The following C1QTNF3 variants were observed in gnomAD, a reference collection of about 807,000 sequenced individuals.
C1QTNF3 encodes the protein C1q and TNF related 3, also known as complement C1q tumor necrosis factor-related protein 3.
Under a neutral mutation model 32.6 loss-of-function variants are expected in C1QTNF3, and 26 were observed. That is an observed-to-expected ratio of 0.80 (90% CI 0.58 to 1.11). The LOEUF (loss-of-function observed/expected upper bound fraction) is 1.11. Ranked by LOEUF, C1QTNF3 falls within the 50% of genes least tolerant of loss-of-function variation. The pLI is 0.00. For missense variants in C1QTNF3, 362 were observed against 398.2 expected (o/e 0.91, Z 0.77); for synonymous variants, 155 against 146.0 (o/e 1.06, Z -0.44).
chr5:34,177,480 C>CTTT, the C1QTNF3 span, among the ~76,000 whole-genome samples: 1,383 of 84,410 alleles, frequency 0.016, 3 homozygotes, highest in Non-Finnish European at 0.02. Context: ...CCATACCCAA[C>CTTT]TTTTTTTTTT....
At chr5:34,163,590 T>C in the C1QTNF3 span, among the ~76,000 whole-genome samples, 2 of 152,060 alleles carry the variant, frequency 1.3e-5, no homozygotes, top group Admixed American at 6.6e-5. Context: ...AGAAGCAACA[T>C]ATATGTTGTT....
intron 1 of C1QTNF3, among the ~76,000 whole-genome samples, chr5:34,038,684 G>A (rs1754798995): frequency 6.6e-6 from 1 of 152,210 alleles, no homozygotes; most frequent in South Asian, 2.1e-4. Flanking sequence ...GAGACTGGGA[G>A]TCATCACAAG....
At chr5:34,029,309 T>C (rs1754554085) in intron 3 of C1QTNF3, among the ~76,000 whole-genome samples, 1 of 152,106 alleles carries the variant, frequency 6.6e-6, no homozygotes, top group South Asian at 2.1e-4. Context: ...ATTTCTTTTT[T>C]TTTTTTTCTT....
At chr5:34,197,454 T>G in the C1QTNF3 span, among the ~76,000 whole-genome samples, 2 of 152,262 alleles carry the variant, frequency 1.3e-5, no homozygotes, top group African/African-American at 4.8e-5. Context: ...GTGGAGTTTT[T>G]ACGGTCAATC....
At chr5:34,136,640 C>T in the C1QTNF3 span, among the ~76,000 whole-genome samples, 2 of 152,190 alleles carry the variant, frequency 1.3e-5, no homozygotes, top group Admixed American at 6.5e-5. Context: ...TCAGCAATCA[C>T]ATTACTGGGT....
chr5:34,216,997 AATT>A, the C1QTNF3 span, among the ~76,000 whole-genome samples: 1 of 152,116 alleles, frequency 6.6e-6, no homozygotes, highest in East Asian at 1.9e-4. Context: ...TTAACAGAAA[AATT>A]ATTGTTTTTA....
the C1QTNF3 span, among the ~76,000 whole-genome samples, chr5:34,181,737 C>T: frequency 2.0e-5 from 3 of 152,320 alleles, no homozygotes; most frequent in East Asian, 1.9e-4. Context: ...CAGGTGTGAG[C>T]GCCCCGACAG....
chr5:34,117,297 G>T, the C1QTNF3 span, among the ~76,000 whole-genome samples: 1 of 151,978 alleles, frequency 6.6e-6, no homozygotes, highest in African/African-American at 2.4e-5. Context: ...TGGTTTCAGG[G>T]TGTTAAATAT....
chr5:34,163,474 ATGAT>A, the C1QTNF3 span, among the ~76,000 whole-genome samples: 212 of 110,194 alleles, frequency 1.9e-3, no homozygotes, highest in Non-Finnish European at 2.6e-3. Flanking sequence ...GTATTTTATT[ATGAT>A]TGATTATTTT....
At chr5:34,068,910 G>C in the C1QTNF3 span, among the ~76,000 whole-genome samples, 1 of 152,160 alleles carries the variant, frequency 6.6e-6, no homozygotes, top group Non-Finnish European at 1.5e-5. Flanking sequence ...TCCATGCACA[G>C]TATCCCTTGC....
At chr5:34,208,069 C>T in the C1QTNF3 span, among the ~76,000 whole-genome samples, 1 of 152,146 alleles carries the variant, frequency 6.6e-6, no homozygotes, top group Non-Finnish European at 1.5e-5. Context: ...GGATTACAGG[C>T]GTGAGCCACC....
chr5:34,023,981 A>G lies in C1QTNF3; in HGVS notation c.728T>C (p.Met243Thr), dbSNP rs1353851139. ...SGVYFFTFSM[M>T]KHEDVEEVYV... ...CACTTCCTCAACATCCTCATGCTTC[A>G]TCATGCTGAAGGTGAAGAAATACAC... Residue 243 changes from methionine to threonine, a missense_variant, in exon 5 of 6, where the codon ATG becomes ACG. Transcript: ENST00000382065. 6.2e-7 allele frequency: 1 copy of G among 1,614,158 alleles called. No homozygotes were observed. The highest frequency in any genetic ancestry group is 1.1e-5 in the South Asian group (1 of 91,080).
the C1QTNF3 span, among the ~76,000 whole-genome samples, chr5:34,061,622 G>C: frequency 0.018 from 2,675 of 152,314 alleles, 71 homozygotes; most frequent in African/African-American, 0.061. Context: ...TATGGAAGCT[G>C]CAAGTTTTGA....
In C1QTNF3 at chr5:34,035,718, C is replaced by T. The variant is rs755667503; in HGVS notation, c.344G>A (p.Cys115Tyr). 2 of 1,612,560 alleles carry T rather than the reference C, an allele frequency of 1.2e-6. No homozygotes were observed. Among genetic ancestry groups the T allele is most frequent in the Non-Finnish European group, 1.7e-6 (2 of 1,179,622 alleles). ...TGGLPPDCSKCCHGDYSFRGY... is the reference protein window; with the variant it reads ...TGGLPPDCSKYCHGDYSFRGY... ...TCGAAAGCTGTAGTCTCCATGACAA[C>T]ACTTACTGCAGTCTGGGGGTAGTCC... Residue 115 changes from cysteine to tyrosine, a missense_variant, in exon 2 of 6, where the codon TGT becomes TAT. Physicochemically the swap from Cys to Tyr is radical, Grantham distance 194. Coordinates refer to ENST00000382065, the MANE Select transcript of C1QTNF3 (RefSeq NM_181435.6).
At chr5:34,101,599 A>T in the C1QTNF3 span, among the ~76,000 whole-genome samples, 1 of 151,346 alleles carries the variant, frequency 6.6e-6, no homozygotes, top group Non-Finnish European at 1.5e-5. Flanking sequence ...TCAAATTTAT[A>T]TTAATTGATG....
chr5:34,035,324 C>G (rs1754710202), intron 2 of C1QTNF3, among the ~76,000 whole-genome samples: 1 of 152,170 alleles, frequency 6.6e-6, no homozygotes, highest in Non-Finnish European at 1.5e-5. Context: ...CTTAGCTGGA[C>G]CTAGAGTCAC....
At chr5:34,044,560 T>C (rs995148043), upstream of C1QTNF3, among the ~76,000 whole-genome samples, 1 of 152,056 alleles carries the variant, frequency 6.6e-6, no homozygotes, top group African/African-American at 2.4e-5. Flanking sequence ...CCAAGAGCCA[T>C]CTCTGGAAGT....
the C1QTNF3 span, among the ~76,000 whole-genome samples, chr5:34,048,285 T>TGTGCGC: frequency 1.8e-4 from 18 of 98,412 alleles, no homozygotes; most frequent in African/African-American, 5.3e-4. Context: ...TGTGTGTGTG[T>TGTGCGC]GCATGAGAGA....
chr5:34,042,450 A>G (rs1400378434), intron 1 of C1QTNF3, among the ~76,000 whole-genome samples: 1 of 152,212 alleles, frequency 6.6e-6, no homozygotes, highest in Non-Finnish European at 1.5e-5. Flanking sequence ...TCTCTTAAGA[A>G]CAACAAATGA....
Sources: allele counts gnomAD v4.1 joint callset (sites outside exome capture counted in the v4.1 genomes callset), GRCh38; gene constraint gnomAD v4.1.1; transcripts MANE v1.5; gene names NCBI Gene and HGNC (gene_info 2026-07-23, HGNC 2026-07-21).